RSPRY1: variants seen among roughly 807,000 people sequenced by gnomAD.
RSPRY1 encodes the protein RING finger and SPRY domain-containing protein 1.
Under a neutral mutation model 73.1 loss-of-function variants are expected in RSPRY1, and 23 were observed. The observed-to-expected ratio is 0.31, with a 90% CI of 0.23 to 0.45. The LOEUF (loss-of-function observed/expected upper bound fraction) is 0.45, where lower values mean the gene tolerates loss of function less well. Ranked by LOEUF, RSPRY1 falls within the 20% of genes least tolerant of loss-of-function variation. RSPRY1 has a pLI of 1.00. For missense variants in RSPRY1, 448 were observed against 698.7 expected, an observed-to-expected ratio of 0.64 and a Z score of 4.05; for synonymous variants, 226 against 251.4, an observed-to-expected ratio of 0.90 and a Z score of 0.95.
chr16:57,204,695 A>G lies in RSPRY1; in HGVS notation c.37A>G (p.Arg13Gly). ...VFGWAVFLAS[R>G]SLGQGLLLTL... ...TGGTTGGGCCGTGTTCTTAGCGAGC[A>G]GAAGCCTTGGCCAGGGTCTGTTGTT... Residue 13 changes from arginine to glycine, a missense_variant, in exon 2 of 15, where the codon AGA becomes GGA. Physicochemically the swap from Arg to Gly is moderately radical, Grantham distance 125. Coordinates refer to ENST00000394420, the MANE Select transcript of RSPRY1 (RefSeq NM_133368.3). 1.2e-6 allele frequency: 2 copies of G among 1,614,226 alleles called. No homozygotes were observed. Among genetic ancestry groups the G allele is most frequent in the Middle Eastern group, 1.6e-4 (1 of 6,062 alleles).
chr16:57,204,562 A>G lies in RSPRY1; in HGVS notation c.-97A>G, dbSNP rs1448106940. 6 of 1,077,366 alleles carry G rather than the reference A, an allele frequency of 5.6e-6. No homozygotes were observed. Among genetic ancestry groups the G allele is most frequent in the Non-Finnish European group, 8.2e-6 (6 of 729,848 alleles). The allele number at this position is 1,077,366 out of a possible 1,614,324, so 66.7% of individuals were successfully genotyped here. A position where few individuals can be genotyped will look rare whatever the true frequency, so the allele number is the denominator to read the frequency against. On this transcript the variant is annotated 5_prime_UTR_variant, in exon 2 of 15. Transcript: ENST00000394420. ...TGATAATGTTGGGAATAAGCTCTGC[A>G]ACTTTCTTTGGCATTCAGTTGTTAA...
At chr16:57,215,516 T>C (rs1457644630) in intron 6 of RSPRY1, among the ~76,000 whole-genome samples, 1 of 152,172 alleles carries the variant, frequency 6.6e-6, no homozygotes, top group Non-Finnish European at 1.5e-5. Flanking sequence ...GTTCAACAGA[T>C]AGACCTTTCC....
At chr16:57,193,491 CTTT>C (rs111290864) in intron 1 of RSPRY1, among the ~76,000 whole-genome samples, 4 of 142,280 alleles carry the variant, frequency 2.8e-5, no homozygotes, top group Non-Finnish European at 1.5e-5. Flanking sequence ...GTTCTGCAGG[CTTT>C]TTTTTTTTTT....
intron 1 of RSPRY1, among the ~76,000 whole-genome samples, chr16:57,201,975 G>A (rs2074624202): frequency 6.6e-6 from 1 of 151,822 alleles, no homozygotes; most frequent in Non-Finnish European, 1.5e-5. Flanking sequence ...GAGAGGGAGA[G>A]GAGGGAGAGG....
intron 1 of RSPRY1, among the ~76,000 whole-genome samples, chr16:57,191,021 T>C (rs1407816674): frequency 6.6e-6 from 1 of 152,242 alleles, no homozygotes; most frequent in African/African-American, 2.4e-5. Flanking sequence ...GAATGAACTC[T>C]GCACATAGCT....
At chr16:57,215,627 G>T (rs2074925364) in intron 6 of RSPRY1, among the ~76,000 whole-genome samples, 1 of 152,154 alleles carries the variant, frequency 6.6e-6, no homozygotes, top group African/African-American at 2.4e-5. Flanking sequence ...TCCTTTCAGG[G>T]AACAGCTTAA....
chr16:57,200,113 G>T (rs572110801), intron 1 of RSPRY1, among the ~76,000 whole-genome samples: 1 of 147,248 alleles, frequency 6.8e-6, no homozygotes, highest in African/African-American at 2.5e-5. Context: ...GACTCTTAAC[G>T]AGCATGCTGC....
chr16:57,220,976 AG>A (rs2075025305), intron 9 of RSPRY1, 129 bp downstream of exon 9: 2 of 722,084 alleles, frequency 2.8e-6, no homozygotes, highest in Non-Finnish European at 2.3e-6. Context: ...TGCTGACTTC[AG>A]GGGGAAGTCT....
intron 4 of RSPRY1, among the ~76,000 whole-genome samples, chr16:57,210,448 A>C (rs1360473077): frequency 6.6e-6 from 1 of 152,094 alleles, no homozygotes. Context: ...CACGCCTGTA[A>C]TCCTAGCACT....
At chr16:57,221,879 A>C (rs1320524658) in intron 10 of RSPRY1, among the ~76,000 whole-genome samples, 1 of 152,210 alleles carries the variant, frequency 6.6e-6, no homozygotes, top group Non-Finnish European at 1.5e-5. Flanking sequence ...CTCAATATTT[A>C]GTTATTTATC....
chr16:57,207,014 A>G (rs2074739008), intron 2 of RSPRY1, among the ~76,000 whole-genome samples: 1 of 152,172 alleles, frequency 6.6e-6, no homozygotes, highest in African/African-American at 2.4e-5. Context: ...AAAGTATTAT[A>G]TTTTGTTACA....
chr16:57,231,993 C>A (rs1405772057), intron 13 of RSPRY1, among the ~76,000 whole-genome samples: 3 of 152,158 alleles, frequency 2.0e-5, no homozygotes, highest in African/African-American at 7.2e-5. Context: ...CAGCTGCTTC[C>A]TGGTAATTAC....
chr16:57,235,140 C>G lies in RSPRY1; in HGVS notation c.1546C>G (p.Leu516Val). 6.2e-7 allele frequency: 1 copy of G among 1,614,006 alleles called. No individual in the cohort carries two copies. The highest frequency in any genetic ancestry group is 2.2e-5 in the East Asian group (1 of 44,880). Reference sequence around the variant, plus strand: ...TCTACTCAGGCACAGGCGTCTTGCTCTGTTGAAGCAAGTCAGTATCCGAGA... The same window carrying G: ...TCTACTCAGGCACAGGCGTCTTGCTGTGTTGAAGCAAGTCAGTATCCGAGA... ...IILPRHRRLA[L>V]LKQVSIRENC... The change falls in exon 14 of 15, where the codon CTG (leucine) becomes GTG (valine). Residue 516 changes from leucine to valine, a missense_variant. By Grantham distance (32) the Leu-to-Val change is conservative (BLOSUM62 1). Coordinates refer to ENST00000394420, the MANE Select transcript of RSPRY1 (RefSeq NM_133368.3).
At chr16:57,231,692 C>G (rs1259829618) in intron 13 of RSPRY1, among the ~76,000 whole-genome samples, 1 of 152,156 alleles carries the variant, frequency 6.6e-6, no homozygotes, top group Admixed American at 6.5e-5. Context: ...CACATGCACA[C>G]AAACTGCAAA....
rs536670538 is a variant in RSPRY1 at position 57,201,778 on chromosome 16, G to A, written c.-155-2726G>A. 3.8e-3 allele frequency among the ~76,000 whole-genome samples: 577 copies of A among 152,354 alleles called. 4 individuals are homozygous for A. Among genetic ancestry groups the A allele is most frequent in the African/African-American group, 0.012 (490 of 41,582 alleles). On this transcript the variant is annotated intron_variant, in intron 1 of 14. Transcript: ENST00000394420. ...TGGAGACCAGCCCGGCCAACACAGC[G>A]AAACCCCGTCTCCACCAAAAAAATA...
chr16:57,206,809 C>T (rs1246862157), intron 2 of RSPRY1, among the ~76,000 whole-genome samples: 1 of 152,192 alleles, frequency 6.6e-6, no homozygotes, highest in Non-Finnish European at 1.5e-5. Flanking sequence ...AAGCGATTGT[C>T]GAGCTTCAGC....
rs1567522578 is a variant in RSPRY1 at position 57,240,349 on chromosome 16, AC to A, written c.*1375del. On this transcript the variant is annotated 3_prime_UTR_variant, in exon 15 of 15. Coordinates refer to ENST00000394420, the MANE Select transcript of RSPRY1 (RefSeq NM_133368.3). Reference sequence around the variant, plus strand: ...TAGTCTTCCATAAATCCACACACACACACACACACAAAAAATATATATATAT... The same window carrying A: ...TAGTCTTCCATAAATCCACACACACAACACACACAAAAAATATATATATAT... 4.3e-4 allele frequency: 65 copies of A among 151,092 alleles called. No individual in the cohort carries two copies. The highest frequency in any genetic ancestry group is 1.2e-3 in the African/African-American group (50 of 41,284). The allele number at this position is 151,092 out of a possible 1,614,324, so 9.4% of individuals were successfully genotyped here.
intron 8 of RSPRY1, among the ~76,000 whole-genome samples, chr16:57,218,978 C>T (rs1478606182): frequency 1.6e-5 from 2 of 122,870 alleles, no homozygotes; most frequent in African/African-American, 3.3e-5. Flanking sequence ...CCTCGTGATC[C>T]GCCCGCCTCG....
At chr16:57,238,434 A>G (rs2075332627) in intron 14 of RSPRY1, among the ~76,000 whole-genome samples, 1 of 152,264 alleles carries the variant, frequency 6.6e-6, no homozygotes, top group Non-Finnish European at 1.5e-5. Context: ...CTATATGACA[A>G]GAATGGCAGA....
Sources: gnomAD v4.1 joint callset for allele counts (sites outside exome capture counted in the v4.1 genomes callset) on GRCh38, gnomAD v4.1.1 for gene constraint, MANE v1.5 for transcripts, NCBI Gene and HGNC (gene_info 2026-07-23, HGNC 2026-07-21) for gene names.